P2RY8: variants seen among roughly 807,000 people sequenced by gnomAD.
The protein encoded by P2RY8 is P2Y receptor family member 8.
A neutral mutation model predicts 10.0 loss-of-function variants in P2RY8; 6 were observed. The ratio of observed to expected loss-of-function variants is 0.60; its 90% confidence interval spans 0.33 to 1.19. P2RY8 has a LOEUF of 1.19. P2RY8 is among the 50% of genes most tolerant of loss of function. P2RY8 has a pLI of 0.04. For missense variants in P2RY8, 456 were observed against 542.0 expected (o/e 0.84, Z 1.58); for synonymous variants, 276 against 252.5 (o/e 1.09, Z -0.88).
At chrX:1,469,956 C>T (rs1164428706) in intron 1 of P2RY8, among the ~76,000 whole-genome samples, 3 of 152,052 alleles carry the variant, frequency 2.0e-5, no homozygotes, top group East Asian at 1.9e-4. Context: ...ACGTGAGTTA[C>T]GTACCATAAG....
In P2RY8 at chrX:1,473,796, G is replaced by T. The variant is rs375774729; in HGVS notation, c.-24-7214C>A. On this transcript the variant is annotated intron_variant, in intron 1 of 1. Transcript: ENST00000381297. ...GGATGGGTGGGTGGATGAATGGTGGGTGGGTTTGTGAATGGGTGAGTGGGT... is the reference window on the plus strand; with the variant it reads ...GGATGGGTGGGTGGATGAATGGTGGTTGGGTTTGTGAATGGGTGAGTGGGT... 5.5e-5 allele frequency among the ~76,000 whole-genome samples: 8 copies of T among 145,988 alleles called. No homozygotes were observed. The South Asian group carries it at 1.6e-3, about 28-fold the overall frequency.
chrX:1,497,221 C>CAAAAAAAAAAAAAAAAAAA (rs555047911), intron 1 of P2RY8, among the ~76,000 whole-genome samples: 1 of 84,528 alleles, frequency 1.2e-5, no homozygotes, highest in Non-Finnish European at 2.4e-5. Context: ...GACTCCGTCT[C>CAAAAAAAAAAAAAAAAAAA]AAAAAAAAAA....
intron 1 of P2RY8, among the ~76,000 whole-genome samples, chrX:1,520,004 C>A (rs1451392166): frequency 4.6e-5 from 7 of 151,462 alleles, no homozygotes; most frequent in African/African-American, 1.5e-4. Flanking sequence ...ACCTTGGTCC[C>A]TAATAATCTC....
intron 1 of P2RY8, among the ~76,000 whole-genome samples, chrX:1,492,753 T>C (rs1196489452): frequency 6.6e-6 from 1 of 152,066 alleles, no homozygotes; most frequent in East Asian, 1.9e-4. Context: ...AGGGACAGAA[T>C]TGTCCTAGTT....
At chrX:1,488,118 A>C (rs2092004142) in intron 1 of P2RY8, among the ~76,000 whole-genome samples, 1 of 141,822 alleles carries the variant, frequency 7.1e-6, no homozygotes, top group Non-Finnish European at 1.6e-5. Flanking sequence ...CTAAAAAAAA[A>C]AAAGAAGAAG....
At chrX:1,493,378 GAGGA>G (rs2149392760) in intron 1 of P2RY8, among the ~76,000 whole-genome samples, 1 of 62,878 alleles carries the variant, frequency 1.6e-5, no homozygotes, top group South Asian at 8.6e-4. Context: ...AGGGAGGAAG[GAGGA>G]AGGAGGGAGG....
intron 1 of P2RY8, among the ~76,000 whole-genome samples, chrX:1,512,062 C>A (rs1332300466): frequency 2.0e-5 from 3 of 151,710 alleles, no homozygotes; most frequent in African/African-American, 7.3e-5. Flanking sequence ...AGAAGAGGCT[C>A]CCAGGCTGGC....
At chrX:1,528,607 T>G (rs2092453866) in intron 1 of P2RY8, among the ~76,000 whole-genome samples, 1 of 152,206 alleles carries the variant, frequency 6.6e-6, no homozygotes, top group Non-Finnish European at 1.5e-5. Context: ...TGAATGAGTG[T>G]GGATTTGAGT....
At chrX:1,498,984 G>A (rs2092148013) in intron 1 of P2RY8, among the ~76,000 whole-genome samples, 2 of 149,236 alleles carry the variant, frequency 1.3e-5, no homozygotes, top group Admixed American at 1.3e-4. Flanking sequence ...ACAGGCGCGT[G>A]CCATAATGCC....
chrX:1,481,423 C>G (rs113854888), intron 1 of P2RY8, among the ~76,000 whole-genome samples: 7,780 of 152,256 alleles, frequency 0.051, 608 homozygotes, highest in African/African-American at 0.17. Context: ...CTCGACCTCC[C>G]AAAGTGCTGG....
chrX:1,507,517 G>A (rs1472638103), intron 1 of P2RY8, among the ~76,000 whole-genome samples: 1 of 152,124 alleles, frequency 6.6e-6, no homozygotes, highest in African/African-American at 2.4e-5. Context: ...GACCGCCGAC[G>A]GTGGTTCGGA....
chrX:1,497,379 C>A (rs1407587527), intron 1 of P2RY8, among the ~76,000 whole-genome samples: 3 of 150,490 alleles, frequency 2.0e-5, no homozygotes, highest in Non-Finnish European at 3.0e-5. Context: ...GAGTGTAGGC[C>A]GGGCACGGTG....
intron 1 of P2RY8, among the ~76,000 whole-genome samples, chrX:1,478,185 C>G (rs1257663842): frequency 6.6e-6 from 1 of 151,648 alleles, no homozygotes; most frequent in Non-Finnish European, 1.5e-5. Flanking sequence ...GTTTCCAATC[C>G]TAAGCATTTC....
intron 1 of P2RY8, among the ~76,000 whole-genome samples, chrX:1,512,142 C>G (rs1424886483): frequency 6.6e-6 from 1 of 152,204 alleles, no homozygotes; most frequent in East Asian, 1.9e-4. Flanking sequence ...TGACCCCACA[C>G]TGGGGGTACT....
rs770613678 is a variant in P2RY8 at position 1,530,269 on chromosome X, TTATCTATCTATC to T, written c.-25+6640_-25+6651del. Among the ~76,000 whole-genome samples the T allele has an allele frequency of 3.2e-3, 477 of 148,402 alleles. 2 individuals are homozygous for T. The highest frequency in any genetic ancestry group is 0.011 in the African/African-American group (430 of 40,310). On this transcript the variant is annotated intron_variant, in intron 1 of 1. Coordinates refer to ENST00000381297, the MANE Select transcript of P2RY8 (RefSeq NM_178129.5). ...CTATCTCTATTACCTATCATCACCA[TTATCTATCTATC>T]TATCTATCTATCTATCTATCTATCT...
chrX:1,478,246 CGTATGTGT>C (rs1238469069), intron 1 of P2RY8, among the ~76,000 whole-genome samples: 9 of 141,168 alleles, frequency 6.4e-5, no homozygotes, highest in African/African-American at 2.5e-4. Flanking sequence ...TGCTGGCAGG[CGTATGTGT>C]GTGTGTGTGT....
chrX:1,510,390 A>C (rs1344614408), intron 1 of P2RY8, among the ~76,000 whole-genome samples: 1 of 152,164 alleles, frequency 6.6e-6, no homozygotes, highest in African/African-American at 2.4e-5. Flanking sequence ...GGAGATGAAC[A>C]ATATGAAAAC....
intron 1 of P2RY8, among the ~76,000 whole-genome samples, chrX:1,497,720 G>T (rs1477424658): frequency 2.6e-5 from 4 of 152,044 alleles, no homozygotes; most frequent in Non-Finnish European, 2.9e-5. Flanking sequence ...TTGTTATTAC[G>T]CCTGGCATCT....
At chrX:1,481,171 A>AT (rs112989794) in intron 1 of P2RY8, among the ~76,000 whole-genome samples, 70,758 of 148,314 alleles carry the variant, frequency 0.48, 16,985 homozygotes, top group South Asian at 0.62. Context: ...CACGCAATAC[A>AT]TTTTTTTTTT....
Sources: gnomAD v4.1 joint callset for allele counts (sites outside exome capture counted in the v4.1 genomes callset) on GRCh38, gnomAD v4.1.1 for gene constraint, MANE v1.5 for transcripts, NCBI Gene and HGNC (gene_info 2026-07-23, HGNC 2026-07-21) for gene names.